The following TBCK variants were observed in gnomAD, a reference collection of about 807,000 sequenced individuals.
TBCK encodes TBC1 domain containing kinase.
Under a neutral mutation model 113.4 loss-of-function variants are expected in TBCK, and 99 were observed. The observed-to-expected ratio is 0.87, with a 90% CI of 0.74 to 1.03. The LOEUF (loss-of-function observed/expected upper bound fraction) is 1.03, where lower values mean the gene tolerates loss of function less well. Ranked by LOEUF, TBCK falls within the 50% of genes least tolerant of loss-of-function variation. The pLI, the probability that TBCK is intolerant of heterozygous loss-of-function variation, is 0.00. For missense variants in TBCK, 1,045 were observed against 1,061.3 expected (o/e 0.98, Z 0.21); for synonymous variants, 369 against 370.8 (o/e 1.00, Z 0.05).
intron 20 of TBCK, among the ~76,000 whole-genome samples, chr4:106,195,228 T>C (rs1318200726): frequency 6.6e-6 from 1 of 152,090 alleles, no homozygotes; most frequent in Non-Finnish European, 1.5e-5. Context: ...ATTACAGTTA[T>C]TACAAATACT....
At chr4:106,270,773 A>C (rs1456065906) in intron 3 of TBCK, among the ~76,000 whole-genome samples, 1 of 152,210 alleles carries the variant, frequency 6.6e-6, no homozygotes, top group Non-Finnish European at 1.5e-5. Flanking sequence ...GCAAGACAGC[A>C]TATTGTAAAC....
At chr4:106,098,310 T>C (rs1741164107) in intron 24 of TBCK, among the ~76,000 whole-genome samples, 1 of 152,086 alleles carries the variant, frequency 6.6e-6, no homozygotes, top group Admixed American at 6.5e-5. Flanking sequence ...TATGCTATTT[T>C]ATAAACTAAG....
Position 106,308,767 on chromosome 4 carries a change from C to A in TBCK, c.193+1G>T, listed in dbSNP as rs1767828321. On this transcript the variant is annotated splice_donor_variant, in intron 2 of 25. Transcript: ENST00000394708. LOFTEE classifies it high-confidence loss of function. ...ATAGGAAAAAAAAGAAAATAACTTA[C>A]CATGCTTTCCCCTAGAAATATCCAC... The A allele has an allele frequency of 1.2e-6, 2 of 1,603,092 alleles. No homozygotes were observed. Among genetic ancestry groups the A allele is most frequent in the East Asian group, 4.5e-5 (2 of 44,768 alleles).
At chr4:106,135,435 CA>C (rs1746445471) in intron 23 of TBCK, among the ~76,000 whole-genome samples, 1 of 96,614 alleles carries the variant, frequency 1.0e-5, no homozygotes, top group Admixed American at 9.4e-5. Context: ...GGAGAATGTA[CA>C]CTTAACCACA....
intron 23 of TBCK, among the ~76,000 whole-genome samples, chr4:106,151,729 A>G (rs2149682933): frequency 6.6e-6 from 1 of 152,084 alleles, no homozygotes; most frequent in East Asian, 1.9e-4. Context: ...TGAACATGGA[A>G]TCTCTTTCCT....
intron 23 of TBCK, among the ~76,000 whole-genome samples, chr4:106,143,975 G>A (rs890559318): frequency 6.6e-6 from 1 of 150,570 alleles, no homozygotes; most frequent in Non-Finnish European, 1.5e-5. Flanking sequence ...CCTAACATAT[G>A]AAGAATCACT....
chr4:106,240,559 A>T (rs894619465), intron 12 of TBCK, among the ~76,000 whole-genome samples: 7 of 152,156 alleles, frequency 4.6e-5, no homozygotes, highest in African/African-American at 1.7e-4. Flanking sequence ...TATTTTAAAA[A>T]ATATTATTGA....
At chr4:106,273,028 A>T (rs1763665026) in intron 3 of TBCK, among the ~76,000 whole-genome samples, 2 of 152,164 alleles carry the variant, frequency 1.3e-5, no homozygotes, top group Non-Finnish European at 1.5e-5. Context: ...ACCATACCAC[A>T]ACCACTACTA....
intron 25 of TBCK, among the ~76,000 whole-genome samples, chr4:106,070,067 A>G (rs992039770): frequency 2.0e-5 from 3 of 152,008 alleles, no homozygotes; most frequent in African/African-American, 7.3e-5. Context: ...TTCTAAATAT[A>G]CATTCATGTC....
chr4:106,266,865 G>A (rs560194196), intron 3 of TBCK, among the ~76,000 whole-genome samples: 53 of 151,864 alleles, frequency 3.5e-4, no homozygotes, highest in Non-Finnish European at 6.5e-4. Context: ...CCAATAACTT[G>A]GGTCATGAAA....
rs1734221676 is a variant in TBCK at position 106,046,438 on chromosome 4, TGTCTC to T, written c.*127_*131del. 1 of 559,664 alleles carries T rather than the reference TGTCTC, an allele frequency of 1.8e-6. No homozygotes were observed. Among genetic ancestry groups the T allele is most frequent in the Non-Finnish European group, 3.2e-6 (1 of 312,754 alleles). The allele number at this position is 559,664 out of a possible 1,614,324, so 34.7% of individuals were successfully genotyped here. ...ATGTGGGTTATGAGATTTTAAAAAA[TGTCTC>T]GTGACAAACTTTACGGAAATGCAAC... On this transcript the variant is annotated 3_prime_UTR_variant, in exon 26 of 26. Coordinates refer to ENST00000394708, the MANE Select transcript of TBCK (RefSeq NM_001163435.3).
intron 25 of TBCK, among the ~76,000 whole-genome samples, chr4:106,080,599 G>C (rs1298140555): frequency 6.6e-6 from 1 of 152,098 alleles, no homozygotes; most frequent in Admixed American, 6.5e-5. Context: ...TACCATTCTG[G>C]GCAGTGGCCA....
intron 20 of TBCK, among the ~76,000 whole-genome samples, chr4:106,202,747 C>G (rs1755029533): frequency 6.6e-6 from 1 of 152,022 alleles, no homozygotes; most frequent in African/African-American, 2.4e-5. Flanking sequence ...TCCTCAAACA[C>G]AGCTATCAGA....
intron 25 of TBCK, among the ~76,000 whole-genome samples, chr4:106,056,528 A>G (rs1344336572): frequency 5.9e-5 from 9 of 151,480 alleles, no homozygotes; most frequent in Non-Finnish European, 1.2e-4. Context: ...ATTAGTTACA[A>G]AGCTGTGTCA....
chr4:106,105,647 A>G (rs1578906157), intron 24 of TBCK, among the ~76,000 whole-genome samples: 1 of 152,208 alleles, frequency 6.6e-6, no homozygotes, highest in African/African-American at 2.4e-5. Flanking sequence ...CACAAAAAAT[A>G]CCTCACTAAC....
chr4:106,296,150 A>G (rs990249934), intron 2 of TBCK, among the ~76,000 whole-genome samples: 2 of 152,168 alleles, frequency 1.3e-5, no homozygotes, highest in Non-Finnish European at 2.9e-5. Context: ...TGCCTCATCC[A>G]TTATTCCAAG....
At chr4:106,306,390 A>G (rs1039064467) in intron 2 of TBCK, among the ~76,000 whole-genome samples, 2 of 151,898 alleles carry the variant, frequency 1.3e-5, no homozygotes, top group Non-Finnish European at 2.9e-5. Flanking sequence ...TGGCCTTGAT[A>G]TTCTTCAACG....
At chr4:106,295,249 T>G in intron 2 of TBCK, 83 bp from the exon 3 acceptor site, 2 of 1,160,632 alleles carry the variant, frequency 1.7e-6, no homozygotes, top group Non-Finnish European at 2.5e-6. Flanking sequence ...CTGATGATAT[T>G]AATATATAAC....
chr4:106,212,981 T>A, intron 19 of TBCK, 146 bp from the exon 20 acceptor site: 1 of 586,892 alleles, frequency 1.7e-6, no homozygotes. Flanking sequence ...TGTTACTATT[T>A]TAATTACTTA....
Sources: allele counts gnomAD v4.1 joint callset (sites outside exome capture counted in the v4.1 genomes callset), GRCh38; gene constraint gnomAD v4.1.1; transcripts MANE v1.5; gene names NCBI Gene and HGNC (gene_info 2026-07-23, HGNC 2026-07-21).